The following MAML3 variants were observed in gnomAD, a reference collection of about 807,000 sequenced individuals.
MAML3 encodes mastermind-like protein 3.
In MAML3, 27 loss-of-function variants were observed where a neutral mutation model predicts 101.9. That is an observed-to-expected ratio of 0.27 (90% CI 0.20 to 0.37). The LOEUF is 0.37. Among genes scored for constraint, MAML3 ranks in the 10% least tolerant of loss-of-function variants. The probability of loss-of-function intolerance (pLI) is 1.00; values close to 1 mark genes in which losing one functional copy is unlikely to be tolerated. For missense variants in MAML3, 1,316 were observed against 1,444.9 expected (o/e 0.91, Z 1.45); for synonymous variants, 501 against 555.9 (o/e 0.90, Z 1.39).
At chr4:139,976,232 C>G (rs542099653) in intron 1 of MAML3, among the ~76,000 whole-genome samples, 1 of 152,142 alleles carries the variant, frequency 6.6e-6, no homozygotes, top group African/African-American at 2.4e-5. Context: ...AAGACAGATC[C>G]TGTTCTTCTG....
In MAML3 at chr4:139,720,254, A is replaced by G. The variant is rs771288557; in HGVS notation, c.2486T>C (p.Met829Thr). ...TCCCATCATGCCTGCGTTCTGTGCC[A>G]TCAGCCGTGACGTTCGCATGCTCTG... ...ALQSMRTSRL[M>T]AQNAGMMGIG... Residue 829 changes from methionine (M) to threonine (T), a missense_variant, in exon 5 of 5, where the codon ATG becomes ACG. Transcript: ENST00000509479. 1.3e-5 allele frequency: 21 copies of G among 1,599,222 alleles called. No individual in the cohort carries two copies. The Admixed American group carries it at 2.5e-4, about 19-fold the overall frequency.
At chr4:139,860,788 A>C (rs1266213841) in intron 2 of MAML3, among the ~76,000 whole-genome samples, 2 of 152,010 alleles carry the variant, frequency 1.3e-5, no homozygotes, top group Non-Finnish European at 2.9e-5. Flanking sequence ...AAAAACACTG[A>C]GTTTGTTCTG....
At chr4:139,971,512 G>C (rs191344794) in intron 1 of MAML3, among the ~76,000 whole-genome samples, 2 of 152,282 alleles carry the variant, frequency 1.3e-5, no homozygotes, top group East Asian at 3.9e-4. Context: ...CATATAATTT[G>C]CCTTGTGCTT....
intron 1 of MAML3, among the ~76,000 whole-genome samples, chr4:139,970,690 G>A (rs1734221100): frequency 6.6e-6 from 1 of 152,188 alleles, no homozygotes; most frequent in African/African-American, 2.4e-5. Context: ...AATATCTTGA[G>A]GCGGACTTAG....
chr4:139,819,539 C>T (rs950206300), intron 2 of MAML3, among the ~76,000 whole-genome samples: 2 of 152,072 alleles, frequency 1.3e-5, no homozygotes. Context: ...ATTTGATTGG[C>T]TAGATTTGCA....
At chr4:139,957,086 C>T (rs1349976708) in intron 1 of MAML3, among the ~76,000 whole-genome samples, 2 of 152,192 alleles carry the variant, frequency 1.3e-5, no homozygotes, top group African/African-American at 4.8e-5. Context: ...ATGGCAGAAA[C>T]AGGAGTTAGG....
intron 1 of MAML3, among the ~76,000 whole-genome samples, chr4:140,062,933 A>C (rs1453902337): frequency 2.0e-5 from 3 of 152,378 alleles, no homozygotes; most frequent in Middle Eastern, 6.8e-3. Context: ...GTAGTTTACA[A>C]GTGAGTAACT....
intron 2 of MAML3, among the ~76,000 whole-genome samples, chr4:139,883,162 T>C (rs901123305): frequency 2.6e-5 from 4 of 151,746 alleles, no homozygotes; most frequent in Admixed American, 2.0e-4. Flanking sequence ...AGGACAGAAG[T>C]GGACAGAACC....
At chr4:140,106,177 G>A (rs2111004721) in intron 1 of MAML3, among the ~76,000 whole-genome samples, 1 of 151,086 alleles carries the variant, frequency 6.6e-6, no homozygotes, top group East Asian at 2.0e-4. Flanking sequence ...CTGGGGAGAG[G>A]AGGCTCAAAT....
intron 1 of MAML3, among the ~76,000 whole-genome samples, chr4:140,107,642 T>C (rs1260470934): frequency 1.3e-5 from 2 of 151,550 alleles, no homozygotes; most frequent in African/African-American, 4.9e-5. Context: ...GTAGCTGGGA[T>C]TACAGGCGCC....
At chr4:139,855,898 C>T (rs1232476306) in intron 2 of MAML3, among the ~76,000 whole-genome samples, 1 of 152,206 alleles carries the variant, frequency 6.6e-6, no homozygotes, top group African/African-American at 2.4e-5. Flanking sequence ...AAAAATTGTT[C>T]TATTCCAAAT....
chr4:140,145,800 G>A (rs1184549253), intron 1 of MAML3, among the ~76,000 whole-genome samples: 2 of 150,238 alleles, frequency 1.3e-5, no homozygotes, highest in South Asian at 2.1e-4. Context: ...TCCTGACCTC[G>A]TGATCTGCCC....
intron 1 of MAML3, among the ~76,000 whole-genome samples, chr4:140,110,934 A>T (rs1728429811): frequency 6.6e-6 from 1 of 152,248 alleles, no homozygotes; most frequent in East Asian, 1.9e-4. Context: ...CAACCCATGA[A>T]AGGACAAGAG....
Position 139,872,800 on chromosome 4 carries a change from G to T in MAML3, c.2079+16557C>A, listed in dbSNP as rs567734921. 2.0e-5 allele frequency among the ~76,000 whole-genome samples: 3 copies of T among 152,132 alleles called. No individual in the cohort carries two copies. In the East Asian group the frequency reaches 5.8e-4, roughly 29 times the overall value. On this transcript the variant is annotated intron_variant, in intron 2 of 4. Transcript: ENST00000509479. Reference sequence around the variant, plus strand: ...GAGTTAAAAAAATAATCACACGGCCGGGCACAGTGGTTCATGCCTGTAATC... The same window carrying T: ...GAGTTAAAAAAATAATCACACGGCCTGGCACAGTGGTTCATGCCTGTAATC...
At chr4:140,110,901 A>C (rs911491571) in intron 1 of MAML3, among the ~76,000 whole-genome samples, 1 of 152,180 alleles carries the variant, frequency 6.6e-6, no homozygotes, top group Non-Finnish European at 1.5e-5. Flanking sequence ...AAAATAAGCA[A>C]TTTCATATGA....
intron 1 of MAML3, among the ~76,000 whole-genome samples, chr4:139,913,682 C>T (rs959062597): frequency 2.6e-5 from 4 of 152,188 alleles, no homozygotes; most frequent in Admixed American, 6.5e-5. Flanking sequence ...GCACTGATTT[C>T]AGTGCAAGAC....
intron 1 of MAML3, among the ~76,000 whole-genome samples, chr4:140,082,244 AGT>A (rs1727870406): frequency 1.3e-5 from 2 of 152,248 alleles, no homozygotes; most frequent in African/African-American, 4.8e-5. Context: ...CACCACTAGC[AGT>A]GCAAGTTTAT....
intron 1 of MAML3, among the ~76,000 whole-genome samples, chr4:139,992,774 G>C (rs1734704817): frequency 6.6e-6 from 1 of 152,056 alleles, no homozygotes; most frequent in Non-Finnish European, 1.5e-5. Flanking sequence ...GGCCAGGATG[G>C]TCTTGATCTC....
At chr4:140,050,075 T>C (rs527540762) in intron 1 of MAML3, among the ~76,000 whole-genome samples, 1 of 152,296 alleles carries the variant, frequency 6.6e-6, no homozygotes, top group South Asian at 2.1e-4. Flanking sequence ...AGGATGCTGA[T>C]AGAAGTTCTG....
Sources: gnomAD v4.1 joint callset for allele counts (sites outside exome capture counted in the v4.1 genomes callset) on GRCh38, gnomAD v4.1.1 for gene constraint, MANE v1.5 for transcripts, NCBI Gene and HGNC (gene_info 2026-07-23, HGNC 2026-07-21) for gene names.